SLC8A1: variants seen among roughly 807,000 people sequenced by gnomAD.
SLC8A1 encodes the protein solute carrier family 8 member A1.
A neutral mutation model predicts 68.3 loss-of-function variants in SLC8A1; 18 were observed. That is an observed-to-expected ratio of 0.26 (90% CI 0.18 to 0.39). The LOEUF (loss-of-function observed/expected upper bound fraction) is 0.39, where lower values mean the gene tolerates loss of function less well. Ranked by LOEUF, SLC8A1 falls within the 10% of genes least tolerant of loss-of-function variation. The pLI is 1.00. For missense variants in SLC8A1, 985 were observed against 1,156.7 expected (o/e 0.85, Z 2.15); for synonymous variants, 475 against 415.5 (o/e 1.14, Z -1.74).
Position 40,428,718 on chromosome 2 carries a change from G to T in SLC8A1, c.1563C>A (p.Leu521=), listed in dbSNP as rs199581012. 1.9e-6 allele frequency: 3 copies of T among 1,613,772 alleles called. No individual in the cohort carries two copies. Among genetic ancestry groups the T allele is most frequent in the Non-Finnish European group, 2.5e-6 (3 of 1,179,892 alleles). The change falls in exon 2 of 8, where the codon CTC becomes CTA. Residue 521 remains leucine (L), a synonymous_variant. Coordinates refer to ENST00000406785, the Ensembl canonical transcript of SLC8A1. ...TTACAGTGGCAGTGGAGGGAGATCC[G>T]AGGCAAGCAAGTGTAGAAACATGAT...
chr2:40,443,892 T>C (rs527991151), intron 1 of SLC8A1, among the ~76,000 whole-genome samples: 4 of 152,232 alleles, frequency 2.6e-5, no homozygotes, highest in South Asian at 2.1e-4. Flanking sequence ...TTAGTCAATA[T>C]ATCAGCTAGT....
intron 2 of SLC8A1, among the ~76,000 whole-genome samples, chr2:40,194,650 A>G (rs2052604631): frequency 6.6e-6 from 1 of 152,114 alleles, no homozygotes; most frequent in African/African-American, 2.4e-5. Context: ...CATTAATAAA[A>G]TTAATAACAC....
Position 40,405,786 on chromosome 2 carries a change from C to T in SLC8A1, c.1808+22687G>A, listed in dbSNP as rs185891078. Among the ~76,000 whole-genome samples the T allele has an allele frequency of 1.5e-3, 234 of 152,264 alleles. 3 individuals carry two copies. In the South Asian group the frequency reaches 0.018, roughly 12 times the overall value. On this transcript the variant is annotated intron_variant, in intron 2 of 7. Coordinates refer to ENST00000406785, the Ensembl canonical transcript of SLC8A1. ...GGCTATTCTTTCTTCCCTTGTCCTC[C>T]TATTCCGGGCAATCCATGCAACACT...
chr2:40,393,660 T>G (rs920900299), intron 2 of SLC8A1, among the ~76,000 whole-genome samples: 2 of 152,142 alleles, frequency 1.3e-5, no homozygotes, highest in South Asian at 2.1e-4. Flanking sequence ...GGGATAACTG[T>G]GTAATGTGAA....
intron 7 of SLC8A1, among the ~76,000 whole-genome samples, chr2:40,116,220 A>G (rs567252336): frequency 1.3e-5 from 2 of 152,376 alleles, no homozygotes; most frequent in South Asian, 4.1e-4. Context: ...CAATTGAACT[A>G]TAATAGAGTA....
intron 2 of SLC8A1, among the ~76,000 whole-genome samples, chr2:40,419,781 T>TA (rs1694964488): frequency 1.3e-5 from 2 of 152,280 alleles, no homozygotes; most frequent in South Asian, 4.1e-4. Context: ...TTCCCACTTT[T>TA]TCCTTTAATA....
rs181007713 is a variant in SLC8A1, at chr2:40,140,190, C to T, written c.2162-514G>A. On this transcript the variant is annotated intron_variant, in intron 6 of 7. Transcript: ENST00000406785. ...CTCTGAGCCTTGCATATTTCTCCAG[C>T]GTCATCTCCTGCAACTATTTCAAAC... Among the ~76,000 whole-genome samples the T allele has an allele frequency of 4.9e-4, 75 of 152,240 alleles. 1 individual carries two copies. The highest frequency in any genetic ancestry group is 4.0e-3 in the Admixed American group (61 of 15,298).
chr2:40,113,195 T>C (rs1383461678), exon 8 of SLC8A1: 4 of 152,332 alleles, frequency 2.6e-5, no homozygotes, highest in Admixed American at 6.5e-5. Context: ...GTTTATTAAA[T>C]GAGGAAGGAT....
At chr2:40,346,073 A>G (rs1350208988) in intron 2 of SLC8A1, among the ~76,000 whole-genome samples, 1 of 141,878 alleles carries the variant, frequency 7.0e-6, no homozygotes, top group African/African-American at 2.6e-5. Context: ...AAAAAAAAAA[A>G]GAAAGAAAGA....
intron 1 of SLC8A1, among the ~76,000 whole-genome samples, chr2:40,496,390 G>T (rs1240047706): frequency 1.3e-5 from 2 of 152,154 alleles, no homozygotes; most frequent in Non-Finnish European, 2.9e-5. Context: ...AGACAGCATG[G>T]CTGTATGGCA....
chr2:40,245,827 A>G (rs937458023), intron 2 of SLC8A1, among the ~76,000 whole-genome samples: 3 of 152,176 alleles, frequency 2.0e-5, no homozygotes, highest in Non-Finnish European at 2.9e-5. Context: ...ATCTCGTAGA[A>G]TGGTAAGAGG....
intron 7 of SLC8A1, among the ~76,000 whole-genome samples, chr2:40,128,979 G>C (rs1398841233): frequency 6.6e-6 from 1 of 152,228 alleles, no homozygotes; most frequent in African/African-American, 2.4e-5. Context: ...GCCTGGGGCA[G>C]AGGGTGGAGA....
rs1345085321 is a variant in SLC8A1 at position 40,292,268 on chromosome 2, G to C, written c.1809-114413C>G. ...GTACCCCTGATGCTAATGTACACAAGAGAAGCCATCAAAAGCCTACTGCTG... is the reference window on the plus strand; with the variant it reads ...GTACCCCTGATGCTAATGTACACAACAGAAGCCATCAAAAGCCTACTGCTG... On this transcript the variant is annotated intron_variant, in intron 2 of 7. Transcript: ENST00000406785. 2.0e-5 allele frequency among the ~76,000 whole-genome samples: 3 copies of C among 152,242 alleles called. No homozygotes were observed. In the East Asian group the frequency reaches 5.8e-4, roughly 29 times the overall value.
chr2:40,191,336 A>G (rs538006029), intron 2 of SLC8A1, among the ~76,000 whole-genome samples: 4 of 152,316 alleles, frequency 2.6e-5, no homozygotes, highest in African/African-American at 9.6e-5. Flanking sequence ...TTAGCTTAAA[A>G]AAACATCAGT....
chr2:40,429,165 C>A, exon 2 of SLC8A1: 2 of 1,613,494 alleles, frequency 1.2e-6, no homozygotes, highest in South Asian at 2.2e-5. Flanking sequence ...CAGCTCCAGT[C>A]ATGAGGCGAG....
intron 2 of SLC8A1, among the ~76,000 whole-genome samples, chr2:40,329,061 C>T (rs111600415): frequency 8.8e-3 from 131 of 14,872 alleles, no homozygotes; most frequent in African/African-American, 0.076. Context: ...ACTACAACCT[C>T]ACACACACAC....
intron 4 of SLC8A1, among the ~76,000 whole-genome samples, chr2:40,170,916 AT>A (rs2047372930): frequency 6.6e-6 from 1 of 152,154 alleles, no homozygotes; most frequent in Non-Finnish European, 1.5e-5. Flanking sequence ...GACAGGCAGA[AT>A]GTTATGTACG....
intron 1 of SLC8A1, among the ~76,000 whole-genome samples, chr2:40,480,995 C>A (rs1240560033): frequency 6.6e-6 from 1 of 152,086 alleles, no homozygotes; most frequent in Non-Finnish European, 1.5e-5. Context: ...TAATGATATC[C>A]TTTAATGTGG....
intron 2 of SLC8A1, among the ~76,000 whole-genome samples, chr2:40,412,507 G>A (rs999378880): frequency 2.0e-4 from 31 of 152,076 alleles, no homozygotes; most frequent in Non-Finnish European, 5.9e-5. Flanking sequence ...GTGGGCATAC[G>A]GTTTTAACTG....
Sources: allele counts gnomAD v4.1 joint callset (sites outside exome capture counted in the v4.1 genomes callset), GRCh38; gene constraint gnomAD v4.1.1; transcripts MANE v1.5; gene names NCBI Gene and HGNC (gene_info 2026-07-23, HGNC 2026-07-21).